The following BRPF1 variants were observed in gnomAD, a reference collection of about 807,000 sequenced individuals.
BRPF1 encodes the protein bromodomain and PHD finger containing 1.
BRPF1 carries 15 observed loss-of-function variants against 115.0 expected under a neutral mutation model. The ratio of observed to expected loss-of-function variants is 0.13; its 90% CI spans 0.09 to 0.20. The LOEUF (loss-of-function observed/expected upper bound fraction) is 0.20. Ranked by LOEUF, BRPF1 falls within the 10% of genes least tolerant of loss-of-function variation. BRPF1 has a pLI of 1.00. For missense variants in BRPF1, 1,118 were observed against 1,638.3 expected, an observed-to-expected ratio of 0.68 and a Z score of 5.48; for synonymous variants, 647 against 619.8, an observed-to-expected ratio of 1.04 and a Z score of -0.65.
chr3:9,746,821 C>T (rs2077134645), intron 13 of BRPF1, among the ~76,000 whole-genome samples: 2 of 152,068 alleles, frequency 1.3e-5, no homozygotes, highest in Non-Finnish European at 2.9e-5. Context: ...CCTGTTCTGT[C>T]ACATTTACAC....
chr3:9,739,014 T>G lies in BRPF1; in HGVS notation c.615T>G (p.Ser205=), dbSNP rs762026888. 1 of 1,576,434 alleles carries G rather than the reference T, an allele frequency of 6.3e-7. No individual in the cohort carries two copies. Among genetic ancestry groups the G allele is most frequent in the South Asian group, 1.2e-5 (1 of 85,632 alleles). The change falls in exon 3 of 14, where the codon TCT becomes TCG. Residue 205 remains serine (S), a synonymous_variant. Coordinates refer to ENST00000383829, the MANE Select transcript of BRPF1 (RefSeq NM_001003694.2). ...TGTACCGTAGGTACATCGAGAAGTCTGCAGAGGAGCTGGACGAGGAAGTAG... is the reference window on the plus strand; with the variant it reads ...TGTACCGTAGGTACATCGAGAAGTCGGCAGAGGAGCTGGACGAGGAAGTAG... ...PTSYYRYIEK[S]AEELDEEVEY...
In BRPF1 at chr3:9,743,980, C is replaced by G; in HGVS notation, c.2635+79C>G. 1 of 1,463,384 alleles carries G rather than the reference C, an allele frequency of 6.8e-7. No individual in the cohort carries two copies. The highest frequency in any genetic ancestry group is 9.1e-7 in the Non-Finnish European group (1 of 1,096,650). The allele number at this position is 1,463,384 out of a possible 1,614,324, so 90.6% of individuals were successfully genotyped here. A position where few individuals can be genotyped will look rare whatever the true frequency, so the allele number is the denominator to read the frequency against. The stretch of plus-strand genomic sequence containing the variant: ...AGCACACACTCAACCCCTGCCATTC[C>G]CCAGGCAGAGGTCCCTCCTACACAG... On this transcript the variant is annotated intron_variant, in intron 8 of 13. Transcript: ENST00000383829. This position sits in a 1 kb window ranked among gnomAD's most constrained non-coding sequence, Gnocchi z 6.1.
intron 9 of BRPF1, 107 bp downstream of exon 9, chr3:9,744,615 A>C: frequency 1.2e-6 from 1 of 833,480 alleles, no homozygotes; most frequent in Non-Finnish European, 1.8e-6. Context: ...GCGAGCTAGA[A>C]GGGTCCTTAG....
chr3:9,743,370 C>A lies in BRPF1; in HGVS notation c.2311+117C>A. 7.3e-7 allele frequency: 1 copy of A among 1,376,500 alleles called. No homozygotes were observed. The highest frequency in any genetic ancestry group is 9.8e-7 in the Non-Finnish European group (1 of 1,021,602). 85.3% of individuals were successfully genotyped at this position (1,376,500 alleles called of 1,614,324 possible). A position where few individuals can be genotyped will look rare whatever the true frequency, so the allele number is the denominator to read the frequency against. On this transcript the variant is annotated intron_variant, in intron 7 of 13. Transcript: ENST00000383829. This position sits in a 1 kb window ranked among gnomAD's most constrained non-coding sequence, Gnocchi z 6.1. ...AGAAAGCAGCTAGGCTGAGCAGTGG[C>A]AAGCTATCCCCAGGAATGCTCCCCA... is the stretch of plus-strand genomic sequence containing the variant.
rs931493525 is a variant in BRPF1, at chr3:9,739,470, C to T, written c.1071C>T (p.Ile357=). 3 of 1,613,640 alleles carry T rather than the reference C, an allele frequency of 1.9e-6. No homozygotes were observed. The African/African-American group carries it at 4.0e-5, about 22-fold the overall frequency. The stretch of plus-strand genomic sequence containing the variant: ...CCCATGTGGTGTGTGCCTTGTGGAT[C>T]CCTGAGGTCTGCTTCGCCAACACGG... The part of the protein sequence containing the change: ...RWAHVVCALW[I]PEVCFANTVF... The change falls in exon 3 of 14, where the codon ATC becomes ATT. Residue 357 remains isoleucine (I), a synonymous_variant. Transcript: ENST00000383829.
Position 9,743,069 on chromosome 3 carries a change from C to T in BRPF1, c.2127C>T (p.Asn709=), listed in dbSNP as rs185549662. The change falls in exon 7 of 14, where the codon AAC becomes AAT. Residue 709 remains asparagine, a synonymous_variant. Coordinates refer to ENST00000383829, the MANE Select transcript of BRPF1 (RefSeq NM_001003694.2). This position sits in a 1 kb window ranked among gnomAD's most constrained non-coding sequence, Gnocchi z 6.1. The part of the protein sequence containing the change: ...FEEDFNLIVS[N]CLKYNAKDTI... ...AGGACTTCAACCTCATCGTCAGCAACTGCCTCAAGTATAACGCCAAGGACA... is the reference window on the plus strand; with the variant it reads ...AGGACTTCAACCTCATCGTCAGCAATTGCCTCAAGTATAACGCCAAGGACA... 2.3e-5 allele frequency: 37 copies of T among 1,614,266 alleles called. No individual in the cohort carries two copies. The highest frequency in any genetic ancestry group is 5.0e-5 in the Admixed American group (3 of 60,030).
chr3:9,745,213 C>T lies in BRPF1; in HGVS notation c.3068+58C>T. 6.4e-7 allele frequency: 1 copy of T among 1,570,862 alleles called. No homozygotes were observed. Among genetic ancestry groups the T allele is most frequent in the Non-Finnish European group, 8.6e-7 (1 of 1,161,724 alleles). On this transcript the variant is annotated intron_variant, in intron 10 of 13. Transcript: ENST00000383829. The surrounding 1 kb of genome is among the most constrained non-coding windows in gnomAD (Gnocchi z 5.1). ...GGGATGCCCTTCCAGGGCTCTTGGG[C>T]CTGTGTAGGTTTCCCTGTTGGAAGT...
At chr3:9,740,393 C>T (rs2077009471) in intron 3 of BRPF1, among the ~76,000 whole-genome samples, 1 of 152,122 alleles carries the variant, frequency 6.6e-6, no homozygotes, top group Admixed American at 6.6e-5. Flanking sequence ...TTCTCTTGTG[C>T]CGTTTATTTG....
rs755029735 is a variant in BRPF1 at position 9,734,336 on chromosome 3, C to T, written c.196C>T (p.Arg66Cys). ...TPLRKHKKKGRQSRPANKQSP... is the reference protein window; with the variant it reads ...TPLRKHKKKGCQSRPANKQSP... ...ACTCCGCAAGCACAAGAAAAAGGGGCGCCAGTCACGCCCAGCCAACAAGCA... is the reference window on the plus strand; with the variant it reads ...ACTCCGCAAGCACAAGAAAAAGGGGTGCCAGTCACGCCCAGCCAACAAGCA... Residue 66 changes from arginine to cysteine, a missense_variant, in exon 2 of 14, where the codon CGC (arginine) becomes TGC (cysteine). This residue lies in a region of BRPF1 where 280 missense variants were observed against 382.8 expected (regional missense o/e 0.73). Transcript: ENST00000383829. This position sits in a 1 kb window ranked among gnomAD's most constrained non-coding sequence, Gnocchi z 5.7. 2 of 1,614,070 alleles carry T rather than the reference C, an allele frequency of 1.2e-6. No homozygotes were observed. The highest frequency in any genetic ancestry group is 1.7e-6 in the Non-Finnish European group (2 of 1,180,022).
At position 9,742,485 on chromosome 3, in the gene BRPF1, C is replaced by G. The variant is rs905576060; in HGVS notation, c.2001+314C>G. The G allele has an allele frequency of 5.1e-6, 5 of 985,284 alleles. No individual in the cohort carries two copies. In the African/African-American group the frequency reaches 5.2e-5, roughly 10 times the overall value. 61.0% of individuals were successfully genotyped at this position (985,284 alleles called of 1,614,324 possible). A position where few individuals can be genotyped will look rare whatever the true frequency, so the allele number is the denominator to read the frequency against. ...ACGGAGACTTTAGAAGGCTCAGCAC[C>G]TAAAGAACCAGCTCTGAAGCCCTAG... On this transcript the variant is annotated intron_variant, in intron 6 of 13. Transcript: ENST00000383829.
At chr3:9,741,022 T>G in intron 4 of BRPF1, 81 bp downstream of exon 4, 2 of 1,439,186 alleles carry the variant, frequency 1.4e-6, no homozygotes, top group East Asian at 2.5e-5. Flanking sequence ...TAGTTTCCAG[T>G]GTCAGAGGGC....
At position 9,734,949 on chromosome 3, in the gene BRPF1, C is replaced by CT. The variant is rs1322517520; in HGVS notation, c.599+211dup. ...ACTCCTTTATTTTATTCTCAAAACT[C>CT]TCAGGTAGGTATTTTTCTCATTTCA... On this transcript the variant is annotated intron_variant, in intron 2 of 13. Transcript: ENST00000383829. The surrounding 1 kb of genome is among the most constrained non-coding windows in gnomAD (Gnocchi z 5.7). 8.6e-5 allele frequency among the ~76,000 whole-genome samples: 13 copies of CT among 151,912 alleles called. No homozygotes were observed. Among genetic ancestry groups the CT allele is most frequent in the Non-Finnish European group, 1.8e-4 (12 of 67,988 alleles).
At position 9,739,605 on chromosome 3, in the gene BRPF1, G is replaced by A. The variant is rs2076995982; in HGVS notation, c.1206G>A (p.Lys402=). The stretch of plus-strand genomic sequence containing the variant: ...CAGGGGCCTGCATCCAGTGCCACAA[G>A]GCCAACTGTTACACAGCTTTCCATG... ...RGSGACIQCH[K]ANCYTAFHVT... is the part of the protein sequence containing the mutation. Residue 402 remains lysine, a synonymous_variant, in exon 3 of 14, where the codon AAG becomes AAA. Coordinates refer to ENST00000383829, the MANE Select transcript of BRPF1 (RefSeq NM_001003694.2). The A allele has an allele frequency of 1.2e-6, 2 of 1,610,308 alleles. No homozygotes were observed. The highest frequency in any genetic ancestry group is 1.6e-4 in the Middle Eastern group (1 of 6,070).
chr3:9,735,525 T>C (rs1226275801), intron 2 of BRPF1, among the ~76,000 whole-genome samples: 1 of 152,226 alleles, frequency 6.6e-6, no homozygotes, highest in Non-Finnish European at 1.5e-5. Flanking sequence ...GGTATTTCTC[T>C]GTCTCCCAAA....
rs574731133 is a variant in BRPF1, at chr3:9,741,251, T to C, written c.1723-57T>C. On this transcript the variant is annotated intron_variant, in intron 4 of 13. Coordinates refer to ENST00000383829, the MANE Select transcript of BRPF1 (RefSeq NM_001003694.2). ...TGAGTTTCCTGGGCTCTCTTCTCCC[T>C]GTTGACCTTTCCTCTGGCTTTCTAA... is the stretch of plus-strand genomic sequence containing the variant. The C allele has an allele frequency of 2.0e-6, 3 of 1,521,202 alleles. No individual in the cohort carries two copies. In the South Asian group the frequency reaches 3.9e-5, roughly 20 times the overall value. The allele number at this position is 1,521,202 out of a possible 1,614,324, so 94.2% of individuals were successfully genotyped here. A position where few individuals can be genotyped will look rare whatever the true frequency, so the allele number is the denominator to read the frequency against.
At chr3:9,732,943 T>C (rs1317608314) in intron 1 of BRPF1, among the ~76,000 whole-genome samples, 1 of 152,130 alleles carries the variant, frequency 6.6e-6, no homozygotes, top group East Asian at 1.9e-4. Flanking sequence ...TCCTGAGGCC[T>C]GGTGCCATCT....
chr3:9,744,623 T>G (rs1008903217), intron 9 of BRPF1, 115 bp downstream of exon 9: 12 of 778,826 alleles, frequency 1.5e-5, no homozygotes, highest in Non-Finnish European at 2.2e-5. Context: ...GAAGGGTCCT[T>G]AGGAATCCTT....
chr3:9,744,318 G>T lies in BRPF1; in HGVS notation c.2730G>T (p.Pro910=). Residue 910 remains proline, a synonymous_variant, in exon 9 of 14, where the codon CCG becomes CCT. Coordinates refer to ENST00000383829, the MANE Select transcript of BRPF1 (RefSeq NM_001003694.2). The part of the protein sequence containing the change: ...FSKKNPKTAG[P]PKRPGRPPKN... ...AAAAGAACCCGAAGACAGCTGGACC[G>T]CCCAAGAGGCCGGGCCGGCCCCCCA... 6.2e-7 allele frequency: 1 copy of T among 1,613,090 alleles called. No individual in the cohort carries two copies. Among genetic ancestry groups the T allele is most frequent in the Non-Finnish European group, 8.5e-7 (1 of 1,179,522 alleles).
At chr3:9,737,416 A>G (rs2076960496) in intron 2 of BRPF1, among the ~76,000 whole-genome samples, 2 of 152,230 alleles carry the variant, frequency 1.3e-5, no homozygotes, top group African/African-American at 4.8e-5. Context: ...AACTCATTTA[A>G]TGCTCAGAAT....
Sources: gnomAD v4.1 joint callset for allele counts (sites outside exome capture counted in the v4.1 genomes callset) on GRCh38, gnomAD v4.1.1 for gene constraint, gnomAD v4.1.1 regional missense constraint, Gnocchi (gnomAD v3.1) non-coding constraint, MANE v1.5 for transcripts, NCBI Gene and HGNC (gene_info 2026-07-23, HGNC 2026-07-21) for gene names.